Variants in MYPN observed in about 807,000 individuals in gnomAD.
MYPN encodes sarcomeric protein myopalladin, 145 kDa (MYOP).
In MYPN, 63 loss-of-function variants were observed where a neutral mutation model predicts 129.4. That is an observed-to-expected ratio of 0.49 (90% CI 0.40 to 0.60). MYPN has a LOEUF of 0.60. Ranked by LOEUF, MYPN falls within the 20% of genes least tolerant of loss-of-function variation. The probability of loss-of-function intolerance (pLI) is 0.00; values close to 1 mark genes in which losing one functional copy is unlikely to be tolerated. For synonymous variants in MYPN, 629 were observed against 600.9 expected, an observed-to-expected ratio of 1.05 and a Z score of -0.68; for missense variants, 1,596 against 1,635.4, an observed-to-expected ratio of 0.98 and a Z score of 0.42.
At chr10:68,209,358 C>G (rs190438878) in intron 19 of MYPN, among the ~76,000 whole-genome samples, 51 of 152,306 alleles carry the variant, frequency 3.3e-4, no homozygotes, top group Admixed American at 2.4e-3. Context: ...GTCCCTGAAC[C>G]ATGGTTGATT....
At chr10:68,112,159 A>G (rs1379413478) in intron 1 of MYPN, among the ~76,000 whole-genome samples, 1 of 152,136 alleles carries the variant, frequency 6.6e-6, no homozygotes, top group Admixed American at 6.6e-5. Flanking sequence ...TTTTGTGACA[A>G]CCACCAAACC....
chr10:68,197,261 C>A, intron 15 of MYPN, 91 bp from the exon 16 acceptor site: 1 of 1,442,838 alleles, frequency 6.9e-7, no homozygotes, highest in Non-Finnish European at 9.5e-7. Flanking sequence ...AAAATCTGTT[C>A]TCTAGGTCTG....
chr10:68,182,202 C>T (rs1217926920), intron 12 of MYPN, among the ~76,000 whole-genome samples: 2 of 137,424 alleles, frequency 1.5e-5, no homozygotes, highest in Non-Finnish European at 3.1e-5. Flanking sequence ...TACCTGGTTA[C>T]TAATGTTATA....
upstream of MYPN, among the ~76,000 whole-genome samples, chr10:68,105,939 C>A (rs890308073): frequency 2.6e-5 from 4 of 152,238 alleles, no homozygotes; most frequent in African/African-American, 9.6e-5. Flanking sequence ...TCCACCCCCA[C>A]CAGCCCTGCA....
intron 1 of MYPN, among the ~76,000 whole-genome samples, chr10:68,097,775 T>C (rs1363977433): frequency 2.9e-5 from 3 of 104,596 alleles, no homozygotes; most frequent in African/African-American, 1.8e-4. Flanking sequence ...ATATAGCTGA[T>C]TTAAAAAAAA....
chr10:68,203,536 C>T (rs1362474440), intron 18 of MYPN, among the ~76,000 whole-genome samples: 2 of 152,002 alleles, frequency 1.3e-5, no homozygotes, highest in Non-Finnish European at 2.9e-5. Context: ...CTGCAGTGAG[C>T]CATGATCATG....
At chr10:68,195,790 C>T (rs77498998) in intron 15 of MYPN, among the ~76,000 whole-genome samples, 17 of 33,032 alleles carry the variant, frequency 5.1e-4, no homozygotes, top group South Asian at 2.4e-3. Context: ...GTCTCTGGGG[C>T]TTTTTTTTTA....
chr10:68,089,348 G>A, intron 1 of MYPN, among the ~76,000 whole-genome samples: 1 of 151,366 alleles, frequency 6.6e-6, no homozygotes, highest in East Asian at 2.0e-4. Context: ...TTGTTTATTT[G>A]TTTGTTTGTT....
intron 19 of MYPN, among the ~76,000 whole-genome samples, chr10:68,208,622 C>T (rs2043855541): frequency 2.0e-5 from 3 of 152,160 alleles, no homozygotes; most frequent in South Asian, 4.1e-4. Context: ...TGTGCCAATC[C>T]TGCCCTCCAG....
rs71009021 is a variant in MYPN, at chr10:68,196,483, C to CTT, written c.3159-853_3159-852dup. 7.5e-4 allele frequency among the ~76,000 whole-genome samples: 84 copies of CTT among 112,512 alleles called. 2 individuals are homozygous for CTT. Among genetic ancestry groups the CTT allele is most frequent in the African/African-American group, 2.4e-3 (79 of 32,676 alleles). The allele number at this position is 112,512 out of a possible 152,430, so 73.8% of individuals were successfully genotyped here. On this transcript the variant is annotated intron_variant, in intron 15 of 19. Transcript: ENST00000358913. ...ACCGTTGCAACTATACCTTCTTCTT[C>CTT]TTTTTTTTTTTTTTTTTGAGATGGG...
chr10:68,147,674 C>T (rs186879384), intron 4 of MYPN, among the ~76,000 whole-genome samples: 22 of 152,230 alleles, frequency 1.4e-4, no homozygotes, highest in Admixed American at 8.5e-4. Context: ...AGCCGTTTAC[C>T]GAGAGAGATG....
At chr10:68,134,107 C>T (rs1201548957) in intron 2 of MYPN, among the ~76,000 whole-genome samples, 1 of 152,104 alleles carries the variant, frequency 6.6e-6, no homozygotes, top group East Asian at 1.9e-4. Flanking sequence ...AATTCAAGTA[C>T]ATTGAATTAA....
At chr10:68,128,337 A>G (rs2042357042) in intron 2 of MYPN, among the ~76,000 whole-genome samples, 2 of 152,188 alleles carry the variant, frequency 1.3e-5, no homozygotes, top group African/African-American at 4.8e-5. Flanking sequence ...ATAGATGTTG[A>G]TGCCTGCTAT....
chr10:68,149,446 T>C (rs2042727858), intron 5 of MYPN, among the ~76,000 whole-genome samples: 1 of 140,802 alleles, frequency 7.1e-6, no homozygotes, highest in Admixed American at 6.6e-5. Context: ...TTCTTTTATA[T>C]ACATATTTTT....
intron 1 of MYPN, among the ~76,000 whole-genome samples, chr10:68,088,551 C>A (rs928972517): frequency 6.6e-6 from 1 of 152,224 alleles, no homozygotes; most frequent in East Asian, 1.9e-4. Context: ...GCTGATCTAT[C>A]ACTCTCCATT....
chr10:68,210,149 A>G, intron 19 of MYPN, 137 bp from the exon 20 acceptor site: 2 of 937,430 alleles, frequency 2.1e-6, no homozygotes, highest in East Asian at 2.6e-5. Flanking sequence ...AAACGAGGCA[A>G]TTCAGACCCA....
chr10:68,192,422 G>A (rs2043529709), intron 13 of MYPN, among the ~76,000 whole-genome samples: 1 of 152,044 alleles, frequency 6.6e-6, no homozygotes, highest in South Asian at 2.1e-4. Context: ...GAGGATTTTT[G>A]CACCTATGTT....
chr10:68,144,680 C>T (rs544087803), intron 3 of MYPN, among the ~76,000 whole-genome samples: 94 of 152,140 alleles, frequency 6.2e-4, no homozygotes, highest in African/African-American at 2.2e-3. Flanking sequence ...TTTAAACACC[C>T]CCTCTCTCAC....
At chr10:68,171,968 T>C (rs1045442327) in intron 10 of MYPN, among the ~76,000 whole-genome samples, 4 of 152,250 alleles carry the variant, frequency 2.6e-5, no homozygotes, top group Admixed American at 2.6e-4. Context: ...AAGTTGGTTG[T>C]CTGGCATTTT....
Sources: allele counts gnomAD v4.1 joint callset (sites outside exome capture counted in the v4.1 genomes callset), GRCh38; gene constraint gnomAD v4.1.1; transcripts MANE v1.5; gene names NCBI Gene and HGNC (gene_info 2026-07-23, HGNC 2026-07-21).